MYO3B: variants seen among roughly 807,000 people sequenced by gnomAD.
The protein encoded by MYO3B is myosin-IIIb.
MYO3B carries 156 observed loss-of-function variants against 174.6 expected under a neutral mutation model. The ratio of observed to expected loss-of-function variants is 0.89; its 90% CI spans 0.78 to 1.02. MYO3B has a LOEUF of 1.02. Among genes scored for constraint, MYO3B ranks in the 50% least tolerant of loss-of-function variants. The pLI is 0.00. For missense variants in MYO3B, 1,632 were observed against 1,639.4 expected, an observed-to-expected ratio of 1.00 and a Z score of 0.08; for synonymous variants, 563 against 569.1, an observed-to-expected ratio of 0.99 and a Z score of 0.15.
At chr2:170,220,103 A>C (rs1229585191) in intron 6 of MYO3B, among the ~76,000 whole-genome samples, 1 of 151,506 alleles carries the variant, frequency 6.6e-6, no homozygotes, top group African/African-American at 2.4e-5. Flanking sequence ...CTAAAAATAC[A>C]AAAAATTAGC....
intron 32 of MYO3B, chr2:170,640,416 G>A (rs914840262): frequency 2.0e-5 from 3 of 152,146 alleles, no homozygotes; most frequent in African/African-American, 7.2e-5. Flanking sequence ...TCATTCCCAA[G>A]TGAAGGCCTC....
intron 25 of MYO3B, among the ~76,000 whole-genome samples, chr2:170,474,970 A>C (rs1019884626): frequency 9.9e-5 from 15 of 152,092 alleles, no homozygotes; most frequent in African/African-American, 3.6e-4. Flanking sequence ...AAATATATAT[A>C]GTTACTATCG....
At chr2:170,560,727 A>G (rs1300278360) in intron 32 of MYO3B, among the ~76,000 whole-genome samples, 1 of 152,194 alleles carries the variant, frequency 6.6e-6, no homozygotes. Flanking sequence ...GGTTCTCCCA[A>G]TGGATACACA....
chr2:170,279,052 G>T (rs4668231), intron 7 of MYO3B, among the ~76,000 whole-genome samples: 64,413 of 151,838 alleles, frequency 0.42, 13,993 homozygotes, highest in South Asian at 0.58. Context: ...GACAGACATT[G>T]AGGTTGATTT....
intron 1 of MYO3B, among the ~76,000 whole-genome samples, chr2:170,186,523 C>T (rs1021866441): frequency 5.9e-5 from 9 of 152,142 alleles, no homozygotes; most frequent in Admixed American, 4.6e-4. Context: ...ATTTGGTTTG[C>T]TAATATTTTG....
chr2:170,324,741 C>T (rs2093852984), intron 7 of MYO3B, among the ~76,000 whole-genome samples: 1 of 152,210 alleles, frequency 6.6e-6, no homozygotes, highest in Non-Finnish European at 1.5e-5. Context: ...AGATATTAAG[C>T]TTTGTCAGCA....
intron 32 of MYO3B, among the ~76,000 whole-genome samples, chr2:170,645,543 G>A (rs923814718): frequency 4.0e-5 from 6 of 148,812 alleles, no homozygotes; most frequent in African/African-American, 5.0e-5. Context: ...CTAATCAAAC[G>A]AACTAGGTAA....
intron 32 of MYO3B, among the ~76,000 whole-genome samples, chr2:170,570,563 G>A (rs952355187): frequency 6.6e-6 from 1 of 152,162 alleles, no homozygotes; most frequent in Non-Finnish European, 1.5e-5. Flanking sequence ...CAGCGCCTGG[G>A]CTCTAGCAGA....
intron 7 of MYO3B, among the ~76,000 whole-genome samples, chr2:170,315,113 C>T (rs1438609947): frequency 6.6e-6 from 1 of 152,180 alleles, no homozygotes; most frequent in African/African-American, 2.4e-5. Flanking sequence ...ATGATTCTCA[C>T]AAATCAGCAC....
intron 32 of MYO3B, among the ~76,000 whole-genome samples, chr2:170,551,369 T>TTTA (rs1690890720): frequency 2.0e-5 from 3 of 146,738 alleles, no homozygotes; most frequent in African/African-American, 7.4e-5. Context: ...TATTTATTTA[T>TTTA]TTATTTATTT....
intron 23 of MYO3B, among the ~76,000 whole-genome samples, chr2:170,459,953 C>T (rs1331550888): frequency 2.6e-5 from 4 of 152,182 alleles, no homozygotes; most frequent in Non-Finnish European, 5.9e-5. Context: ...CCACCCGGAA[C>T]TCATGCTGGC....
At position 170,178,177 on chromosome 2, in the gene MYO3B, A is replaced by T. The variant is rs2092354960; in HGVS notation, c.-111A>T. 1 of 1,322,934 alleles carries T rather than the reference A, an allele frequency of 7.6e-7. No individual in the cohort carries two copies. The highest frequency in any genetic ancestry group is 1.7e-5 in the Admixed American group (1 of 59,616). 81.9% of individuals were successfully genotyped at this position (1,322,934 alleles called of 1,614,324 possible). On this transcript the variant is annotated 5_prime_UTR_variant, in exon 1 of 35. Transcript: ENST00000408978. ...GAAAGTCCTTTGGTAATGATGTGTCATACATTCTAGTCATCAAAGACACCA... is the reference window on the plus strand; with the variant it reads ...GAAAGTCCTTTGGTAATGATGTGTCTTACATTCTAGTCATCAAAGACACCA...
At chr2:170,496,995 C>T (rs907286099) in intron 25 of MYO3B, among the ~76,000 whole-genome samples, 7 of 151,998 alleles carry the variant, frequency 4.6e-5, no homozygotes, top group African/African-American at 9.7e-5. Flanking sequence ...AGGAAAAAAC[C>T]CTTTTGGTAA....
chr2:170,419,843 A>T (rs139359868), intron 22 of MYO3B, among the ~76,000 whole-genome samples: 1 of 152,234 alleles, frequency 6.6e-6, no homozygotes, highest in East Asian at 1.9e-4. Flanking sequence ...GGGCAGAAGG[A>T]AAGTGGGGAA....
rs371255315 is a variant in MYO3B, at chr2:170,386,280, C to G, written c.1374+8C>G. ...TTGACTTTCTTGGGAAAGGTATTGA[C>G]TAATCTGCTTTACGTATTGTGGCGA... On this transcript the variant is annotated splice_region_variant and intron_variant, in intron 13 of 34. Coordinates refer to ENST00000408978, the MANE Select transcript of MYO3B (RefSeq NM_138995.5). 2.9e-5 allele frequency: 46 copies of G among 1,610,826 alleles called. No homozygotes were observed. Among genetic ancestry groups the G allele is most frequent in the Non-Finnish European group, 3.4e-5 (40 of 1,177,526 alleles).
intron 7 of MYO3B, among the ~76,000 whole-genome samples, chr2:170,331,490 G>T (rs1247867357): frequency 1.3e-5 from 2 of 152,132 alleles, no homozygotes; most frequent in Non-Finnish European, 2.9e-5. Flanking sequence ...GATTTAGGAA[G>T]TAGAACTGAG....
intron 1 of MYO3B, among the ~76,000 whole-genome samples, chr2:170,178,676 C>T (rs2092362506): frequency 6.6e-6 from 1 of 152,126 alleles, no homozygotes; most frequent in Admixed American, 6.6e-5. Flanking sequence ...CACAGAATTT[C>T]TCAGCTTGAG....
intron 25 of MYO3B, among the ~76,000 whole-genome samples, chr2:170,483,004 C>G (rs962820810): frequency 2.6e-5 from 4 of 152,260 alleles, no homozygotes; most frequent in Non-Finnish European, 5.9e-5. Flanking sequence ...GGAGCCCATG[C>G]TGCTGGCAGC....
chr2:170,291,502 A>G (rs1299166186), intron 7 of MYO3B, among the ~76,000 whole-genome samples: 1 of 152,184 alleles, frequency 6.6e-6, no homozygotes, highest in Non-Finnish European at 1.5e-5. Flanking sequence ...TGTCCATGCA[A>G]TTACTTTTAC....
Sources: gnomAD v4.1 joint callset for allele counts (sites outside exome capture counted in the v4.1 genomes callset) on GRCh38, gnomAD v4.1.1 for gene constraint, MANE v1.5 for transcripts, NCBI Gene and HGNC (gene_info 2026-07-23, HGNC 2026-07-21) for gene names.